Variants in COMMD1 observed in about 807,000 individuals in gnomAD.
The protein encoded by COMMD1 is COMM domain-containing protein 1.
A neutral mutation model predicts 17.2 loss-of-function variants in COMMD1; 10 were observed. That is an observed-to-expected ratio of 0.58 (90% CI 0.36 to 0.99). The LOEUF is 0.99. Ranked by LOEUF, COMMD1 falls within the 50% of genes least tolerant of loss-of-function variation. The probability of loss-of-function intolerance (pLI) is 0.01; values close to 1 mark genes in which losing one functional copy is unlikely to be tolerated. For missense variants in COMMD1, 270 were observed against 231.8 expected, an observed-to-expected ratio of 1.17 and a Z score of -1.07; for synonymous variants, 97 against 91.6, an observed-to-expected ratio of 1.06 and a Z score of -0.34.
intron 2 of COMMD1, among the ~76,000 whole-genome samples, chr2:62,057,753 G>A (rs555303008): frequency 1.3e-5 from 2 of 150,152 alleles, no homozygotes; most frequent in East Asian, 3.9e-4. Context: ...TTTTTTCTCT[G>A]TAGAGGCACA....
At chr2:62,116,711 C>A (rs1472627739) in intron 2 of COMMD1, among the ~76,000 whole-genome samples, 1 of 137,190 alleles carries the variant, frequency 7.3e-6, no homozygotes. Context: ...AAAGGCCGGG[C>A]GTGGTGGCTC....
intron 1 of COMMD1, among the ~76,000 whole-genome samples, chr2:61,917,120 G>A (rs1670071030): frequency 6.6e-6 from 1 of 151,954 alleles, no homozygotes; most frequent in Non-Finnish European, 1.5e-5. Context: ...TTTGGAGGCC[G>A]AGGTGGGTGG....
intron 2 of COMMD1, among the ~76,000 whole-genome samples, chr2:62,100,974 T>C (rs186757037): frequency 3.3e-5 from 5 of 152,250 alleles, no homozygotes; most frequent in Admixed American, 3.3e-4. Context: ...TATAATGTTA[T>C]GCCAGAGTCT....
chr2:61,909,345 T>TAAGC lies in COMMD1; in HGVS notation c.180+3489_180+3492dup, dbSNP rs201749718. On this transcript the variant is annotated intron_variant, in intron 1 of 2. Coordinates refer to ENST00000311832, the MANE Select transcript of COMMD1 (RefSeq NM_152516.4). ...TTGTATTTGTAAATAGAATTGTGAG[T>TAAGC]AAGCACCTGAAGATAGATTAAGAGA... is the stretch of plus-strand genomic sequence containing the variant. Among the ~76,000 whole-genome samples the TAAGC allele has an allele frequency of 1.5e-4, 23 of 152,320 alleles. No individual in the cohort carries two copies. The East Asian group carries it at 4.2e-3, about 28-fold the overall frequency.
chr2:61,921,960 TAAG>T (rs1198195183), intron 1 of COMMD1, among the ~76,000 whole-genome samples: 1 of 152,250 alleles, frequency 6.6e-6, no homozygotes, highest in Non-Finnish European at 1.5e-5. Flanking sequence ...GGACCACTAG[TAAG>T]AAGACTGTTT....
intron 1 of COMMD1, among the ~76,000 whole-genome samples, chr2:61,920,993 T>A (rs1670179079): frequency 6.8e-6 from 1 of 146,102 alleles, no homozygotes; most frequent in Admixed American, 6.7e-5. Context: ...TTTTTTTTTT[T>A]TTGAGACAGA....
At chr2:61,919,861 G>T (rs911632089) in intron 1 of COMMD1, among the ~76,000 whole-genome samples, 1 of 151,978 alleles carries the variant, frequency 6.6e-6, no homozygotes, top group African/African-American at 2.4e-5. Flanking sequence ...GTGCAATGAC[G>T]CATGCCTATA....
chr2:61,931,326 A>G (rs1670462523), intron 1 of COMMD1, among the ~76,000 whole-genome samples: 1 of 152,076 alleles, frequency 6.6e-6, no homozygotes, highest in Non-Finnish European at 1.5e-5. Flanking sequence ...AAATAAATAA[A>G]AATAAAATAA....
Position 61,894,156 on chromosome 2 carries a change from G to A in COMMD1, n.119+5314G>A, listed in dbSNP as rs999385270. Among the ~76,000 whole-genome samples the A allele has an allele frequency of 6.6e-5, 10 of 152,152 alleles. No individual in the cohort carries two copies. The East Asian group carries it at 1.9e-3, about 29-fold the overall frequency. ...GCTCTGTCACACAGGCTGGAGTGCA[G>A]TAGCACGATCTTGGCTCACTGCAAC... On this transcript the variant is annotated intron_variant and non_coding_transcript_variant, in intron 1 of 2. Coordinates refer to the COMMD1 transcript ENST00000472729.
At chr2:62,092,795 C>T (rs79017891) in intron 2 of COMMD1, among the ~76,000 whole-genome samples, 2,086 of 152,248 alleles carry the variant, frequency 0.014, 39 homozygotes, top group East Asian at 0.083. Flanking sequence ...TAGCCAACCT[C>T]ATAGGTCTCC....
At chr2:62,013,270 A>G (rs895214454) in intron 2 of COMMD1, among the ~76,000 whole-genome samples, 1 of 151,966 alleles carries the variant, frequency 6.6e-6, no homozygotes, top group African/African-American at 2.4e-5. Context: ...GAAAAAAAAA[A>G]TACAAAACAA....
At chr2:61,995,423 T>A (rs28394693) in intron 1 of COMMD1, among the ~76,000 whole-genome samples, 11,855 of 152,260 alleles carry the variant, frequency 0.078, 1,078 homozygotes, top group African/African-American at 0.22. Context: ...ACTGAGCTAG[T>A]TGGCCTTCTA....
At chr2:62,015,837 T>G (rs1242723332) in intron 2 of COMMD1, among the ~76,000 whole-genome samples, 1 of 152,132 alleles carries the variant, frequency 6.6e-6, no homozygotes, top group East Asian at 1.9e-4. Flanking sequence ...TTGCCCTTTT[T>G]GTTTGTTTTT....
chr2:61,931,147 A>G (rs1670456578), intron 1 of COMMD1, among the ~76,000 whole-genome samples: 1 of 151,982 alleles, frequency 6.6e-6, no homozygotes, highest in Non-Finnish European at 1.5e-5. Flanking sequence ...CCCCATCTCT[A>G]CAAAAAATAG....
chr2:62,003,230 C>CAAAAAAA (rs755266437), intron 2 of COMMD1, among the ~76,000 whole-genome samples: 1 of 129,762 alleles, frequency 7.7e-6, no homozygotes, highest in African/African-American at 3.1e-5. Flanking sequence ...GGCGCTGTCT[C>CAAAAAAA]AAAAAAAAAA....
intron 2 of COMMD1, among the ~76,000 whole-genome samples, chr2:62,104,415 C>T (rs569913768): frequency 1.3e-5 from 2 of 152,010 alleles, no homozygotes; most frequent in African/African-American, 2.4e-5. Flanking sequence ...GGGCAGATCA[C>T]CTGAGGTCAG....
chr2:62,061,114 A>G (rs1258216923), intron 2 of COMMD1, among the ~76,000 whole-genome samples: 1 of 152,022 alleles, frequency 6.6e-6, no homozygotes, highest in Non-Finnish European at 1.5e-5. Context: ...TAATTTTCAA[A>G]TATCCTTTTT....
At chr2:62,102,880 G>A (rs888828809) in intron 2 of COMMD1, among the ~76,000 whole-genome samples, 1 of 152,098 alleles carries the variant, frequency 6.6e-6, no homozygotes, top group African/African-American at 2.4e-5. Context: ...GCCAAGAAGA[G>A]TTTAGACAGA....
chr2:62,095,004 C>T (rs901347979), intron 2 of COMMD1, among the ~76,000 whole-genome samples: 4 of 152,218 alleles, frequency 2.6e-5, no homozygotes, highest in African/African-American at 9.6e-5. Flanking sequence ...CATAGTCAAG[C>T]TGACCAACTT....
Sources: allele counts gnomAD v4.1 joint callset (sites outside exome capture counted in the v4.1 genomes callset), GRCh38; gene constraint gnomAD v4.1.1; transcripts MANE v1.5; gene names NCBI Gene and HGNC (gene_info 2026-07-23, HGNC 2026-07-21).